HECW1: variants seen among roughly 807,000 people sequenced by gnomAD.
The protein encoded by HECW1 is HECT, C2 and WW domain containing E3 ubiquitin protein ligase 1.
Under a neutral mutation model 182.3 loss-of-function variants are expected in HECW1, and 61 were observed. The ratio of observed to expected loss-of-function variants is 0.33; its 90% CI spans 0.27 to 0.41. The LOEUF is 0.41. Ranked by LOEUF, HECW1 falls within the 10% of genes least tolerant of loss-of-function variation. HECW1 has a pLI of 1.00. For missense variants in HECW1, 1,739 were observed against 2,108.9 expected (o/e 0.82, Z 3.44); for synonymous variants, 859 against 832.6 (o/e 1.03, Z -0.55).
At position 43,432,275 on chromosome 7, in the gene HECW1, G is replaced by A. The variant is rs1056825544; in HGVS notation, c.802-5728G>A. Among the ~76,000 whole-genome samples the A allele has an allele frequency of 2.7e-5, 4 of 150,718 alleles. No individual in the cohort carries two copies. Among genetic ancestry groups the A allele is most frequent in the African/African-American group, 9.7e-5 (4 of 41,202 alleles). ...CTGCCTCAGCCTCCCAAGTAGCTGG[G>A]ACTACAGGCGCCCGCCACTACACCC... On this transcript the variant is annotated intron_variant, in intron 8 of 29. Transcript: ENST00000395891. The surrounding 1 kb of genome is among the most constrained non-coding windows in gnomAD (Gnocchi z 4.1).
At chr7:43,542,108 A>G in intron 26 of HECW1, 110 bp downstream of exon 26, 1 of 942,984 alleles carries the variant, frequency 1.1e-6, no homozygotes, top group Non-Finnish European at 1.4e-6. Flanking sequence ...TCAGTGCTTC[A>G]GTATATCCAC....
chr7:43,217,937 G>A (rs1007052616), intron 2 of HECW1, among the ~76,000 whole-genome samples: 3 of 151,914 alleles, frequency 2.0e-5, no homozygotes, highest in African/African-American at 7.3e-5. Flanking sequence ...CGATCCTTCT[G>A]GGGCTGGAGA....
chr7:43,552,259 G>A lies in HECW1; in HGVS notation c.4433G>A (p.Arg1478Lys). 6.2e-7 allele frequency: 1 copy of A among 1,614,044 alleles called. No homozygotes were observed. The highest frequency in any genetic ancestry group is 8.5e-7 in the Non-Finnish European group (1 of 1,179,898). Residue 1478 changes from arginine to lysine, a missense_variant, in exon 28 of 30, where the codon AGG (arginine) becomes AAG (lysine). Physicochemically the swap from Arg to Lys is conservative, Grantham distance 26. Transcript: ENST00000395891. ...DSRLVSVFDA[R>K]ELELVIAGTA... is the part of the protein sequence containing the mutation. ...AGGCTGGTGTCCGTGTTTGATGCCA[G>A]GGAGCTGGAGCTGGTGATAGCTGGC...
intron 2 of HECW1, among the ~76,000 whole-genome samples, chr7:43,240,515 C>T (rs1798784769): frequency 6.6e-6 from 1 of 152,140 alleles, no homozygotes; most frequent in Admixed American, 6.6e-5. Context: ...TATGATAAAT[C>T]ACAGTATGGT....
rs1799045046 is a variant in HECW1 at position 43,243,145 on chromosome 7, G to T, written c.-31-730G>T. Among the ~76,000 whole-genome samples, 1 of 152,146 alleles carries T rather than the reference G, an allele frequency of 6.6e-6. No homozygotes were observed. Among genetic ancestry groups the T allele is most frequent in the Admixed American group, 6.5e-5 (1 of 15,278 alleles). ...TGACTGTAACTCCCAAGGAAGATGAGGTTATAAAATCAGAATAAAGACGTA... is the reference window on the plus strand; with the variant it reads ...TGACTGTAACTCCCAAGGAAGATGATGTTATAAAATCAGAATAAAGACGTA... On this transcript the variant is annotated intron_variant, in intron 2 of 29. Coordinates refer to ENST00000395891, the MANE Select transcript of HECW1 (RefSeq NM_015052.5). This position sits in a 1 kb window ranked among gnomAD's most constrained non-coding sequence, Gnocchi z 4.0.
At chr7:43,482,166 A>G (rs1206075679) in intron 17 of HECW1, among the ~76,000 whole-genome samples, 2 of 152,128 alleles carry the variant, frequency 1.3e-5, no homozygotes, top group Admixed American at 1.3e-4. Flanking sequence ...GAGGACACCA[A>G]GAAAAGCAAC....
At chr7:43,442,364 G>A (rs1048909545) in intron 9 of HECW1, among the ~76,000 whole-genome samples, 165 bp from the exon 10 acceptor site, 7 of 152,190 alleles carry the variant, frequency 4.6e-5, no homozygotes, top group Non-Finnish European at 2.9e-5. Context: ...AGTTCAAGGG[G>A]CATCTGTATT....
intron 10 of HECW1, among the ~76,000 whole-genome samples, chr7:43,442,956 CATGA>C (rs1030940481): frequency 6.6e-6 from 1 of 152,190 alleles, no homozygotes; most frequent in African/African-American, 2.4e-5. Flanking sequence ...TCATCACATA[CATGA>C]ATGAATGAAT....
At chr7:43,361,057 C>CATGCGT (rs878892731) in intron 6 of HECW1, 77 bp downstream of exon 6, 2 of 638,024 alleles carry the variant, frequency 3.1e-6, no homozygotes, top group Non-Finnish European at 5.5e-6. Context: ...CTTGTGCGTG[C>CATGCGT]GTGTGTGTGT....
intron 3 of HECW1, among the ~76,000 whole-genome samples, chr7:43,305,629 G>C (rs1434373779): frequency 6.6e-6 from 1 of 151,638 alleles, no homozygotes; most frequent in African/African-American, 2.4e-5. Context: ...GTTTGGGGGG[G>C]ACAGAGTCTC....
intron 2 of HECW1, among the ~76,000 whole-genome samples, chr7:43,210,407 C>G (rs1329471377): frequency 6.6e-6 from 1 of 151,510 alleles, no homozygotes; most frequent in African/African-American, 2.4e-5. Flanking sequence ...TTTTGCATGC[C>G]TGGGCCACTG....
intron 25 of HECW1, 133 bp from the exon 26 acceptor site, chr7:43,541,736 A>G (rs990362473): frequency 1.4e-6 from 1 of 724,348 alleles, no homozygotes; most frequent in African/African-American, 1.8e-5. Flanking sequence ...CTGATTCATC[A>G]GTGGATTCAA....
chr7:43,238,536 C>G (rs1404724195), intron 2 of HECW1, among the ~76,000 whole-genome samples: 1 of 152,130 alleles, frequency 6.6e-6, no homozygotes, highest in African/African-American at 2.4e-5. Context: ...AAGGATGGCT[C>G]CCTCAGCTTG....
At chr7:43,361,091 C>G in intron 6 of HECW1, 111 bp downstream of exon 6, 2 of 624,706 alleles carry the variant, frequency 3.2e-6, no homozygotes, top group Non-Finnish European at 5.7e-6. Flanking sequence ...TGTGTGTGTA[C>G]GTGTACATAC....
intron 7 of HECW1, among the ~76,000 whole-genome samples, chr7:43,404,358 C>G (rs999935763): frequency 3.9e-5 from 6 of 152,138 alleles, no homozygotes; most frequent in Non-Finnish European, 7.3e-5. Flanking sequence ...TACTAATTCT[C>G]CCAAAGCTAA....
At chr7:43,256,644 A>G (rs1047302640) in intron 3 of HECW1, among the ~76,000 whole-genome samples, 1 of 151,890 alleles carries the variant, frequency 6.6e-6, no homozygotes, top group African/African-American at 2.4e-5. Flanking sequence ...AAAGATGAAC[A>G]TCAAAGTAAT....
intron 2 of HECW1, among the ~76,000 whole-genome samples, chr7:43,199,070 G>A (rs1351241378): frequency 6.6e-6 from 1 of 152,138 alleles, no homozygotes; most frequent in Non-Finnish European, 1.5e-5. Flanking sequence ...GCCTCCACAC[G>A]GAGAACCCTC....
At chr7:43,382,325 A>T (rs966609425) in intron 6 of HECW1, among the ~76,000 whole-genome samples, 1 of 151,802 alleles carries the variant, frequency 6.6e-6, no homozygotes, top group Non-Finnish European at 1.5e-5. Context: ...CCTTCAGAGG[A>T]CTGTGGAAAG....
At chr7:43,290,588 T>G (rs1475392592) in intron 3 of HECW1, among the ~76,000 whole-genome samples, 1 of 152,180 alleles carries the variant, frequency 6.6e-6, no homozygotes, top group Non-Finnish European at 1.5e-5. Flanking sequence ...ATTTTTCAGG[T>G]TCCTCTGGGG....
Sources: gnomAD v4.1 joint callset for allele counts (sites outside exome capture counted in the v4.1 genomes callset) on GRCh38, gnomAD v4.1.1 for gene constraint, Gnocchi (gnomAD v3.1) non-coding constraint, MANE v1.5 for transcripts, NCBI Gene and HGNC (gene_info 2026-07-23, HGNC 2026-07-21) for gene names.